RPS6KC1: variants seen among roughly 807,000 people sequenced by gnomAD.
RPS6KC1 encodes ribosomal protein S6 kinase C1, also known as inactive ribosomal protein S6 kinase delta-1.
Under a neutral mutation model 103.8 loss-of-function variants are expected in RPS6KC1, and 54 were observed. The ratio of observed to expected loss-of-function variants is 0.52; its 90% CI spans 0.42 to 0.65. The LOEUF (loss-of-function observed/expected upper bound fraction) is 0.65. Ranked by LOEUF, RPS6KC1 falls within the 30% of genes least tolerant of loss-of-function variation. RPS6KC1 has a pLI of 0.00. For missense variants in RPS6KC1, 1,151 were observed against 1,253.8 expected (o/e 0.92, Z 1.24); for synonymous variants, 439 against 438.7 (o/e 1.00, Z -0.01).
chr1:213,625,991 T>G, the RPS6KC1 span, among the ~76,000 whole-genome samples: 1 of 152,224 alleles, frequency 6.6e-6, no homozygotes, highest in Non-Finnish European at 1.5e-5. Flanking sequence ...TCTAGATCCC[T>G]AAGGAATCGC....
At chr1:213,786,747 A>G in the RPS6KC1 span, among the ~76,000 whole-genome samples, 10 of 152,320 alleles carry the variant, frequency 6.6e-5, no homozygotes, top group East Asian at 1.9e-3. Flanking sequence ...ATTTTAGGAA[A>G]GAATATTCTT....
At chr1:213,456,923 T>C in the RPS6KC1 span, among the ~76,000 whole-genome samples, 1 of 152,200 alleles carries the variant, frequency 6.6e-6, no homozygotes, top group Non-Finnish European at 1.5e-5. Flanking sequence ...CCAAGGAAGC[T>C]TGTCAATATT....
At chr1:213,094,211 T>C (rs1288167822) in intron 3 of RPS6KC1, among the ~76,000 whole-genome samples, 1 of 152,178 alleles carries the variant, frequency 6.6e-6, no homozygotes, top group Non-Finnish European at 1.5e-5. Flanking sequence ...TTCTCATTTT[T>C]TCCTGAACCA....
the RPS6KC1 span, among the ~76,000 whole-genome samples, chr1:213,753,140 C>T: frequency 0.014 from 2,165 of 152,234 alleles, 49 homozygotes; most frequent in African/African-American, 0.048. Context: ...CTTCCCCCTC[C>T]GACGCATCCA....
chr1:213,712,528 C>T, the RPS6KC1 span, among the ~76,000 whole-genome samples: 1 of 152,196 alleles, frequency 6.6e-6, no homozygotes, highest in Admixed American at 6.5e-5. Flanking sequence ...GTCAACGGTT[C>T]TGTCTTGCTT....
chr1:213,347,218 A>G, the RPS6KC1 span, among the ~76,000 whole-genome samples: 1 of 152,218 alleles, frequency 6.6e-6, no homozygotes, highest in African/African-American at 2.4e-5. Flanking sequence ...GGTGGTGAAA[A>G]TGAAATTAAC....
chr1:213,275,641 A>G (rs1192127250), downstream of RPS6KC1, among the ~76,000 whole-genome samples: 8 of 152,162 alleles, frequency 5.3e-5, no homozygotes, highest in Non-Finnish European at 1.2e-4. Context: ...CGATATTTCT[A>G]TACATGTATA....
the RPS6KC1 span, among the ~76,000 whole-genome samples, chr1:213,455,706 A>G: frequency 1.3e-5 from 2 of 152,242 alleles, no homozygotes; most frequent in Admixed American, 1.3e-4. Flanking sequence ...ACCAGTTTTA[A>G]AGGAGGAAGC....
chr1:213,573,482 T>C, the RPS6KC1 span, among the ~76,000 whole-genome samples: 1 of 152,232 alleles, frequency 6.6e-6, no homozygotes, highest in Non-Finnish European at 1.5e-5. Context: ...TGTGTATTCA[T>C]GTTATAAGTC....
At chr1:213,686,594 G>A in the RPS6KC1 span, among the ~76,000 whole-genome samples, 2 of 152,150 alleles carry the variant, frequency 1.3e-5, no homozygotes, top group Admixed American at 1.3e-4. Context: ...CCCCATAAAT[G>A]AGCATATAAC....
At chr1:213,215,277 A>T (rs1225394296) in intron 8 of RPS6KC1, among the ~76,000 whole-genome samples, 2 of 152,246 alleles carry the variant, frequency 1.3e-5, no homozygotes, top group Non-Finnish European at 2.9e-5. Context: ...AAAGGGTATC[A>T]GTGATGGAAG....
the RPS6KC1 span, among the ~76,000 whole-genome samples, chr1:213,594,408 T>A: frequency 6.6e-6 from 1 of 152,210 alleles, no homozygotes; most frequent in African/African-American, 2.4e-5. Context: ...AGATACATTA[T>A]TAAATAAGTT....
intron 12 of RPS6KC1, among the ~76,000 whole-genome samples, chr1:213,249,671 A>G (rs1253817243): frequency 2.0e-5 from 3 of 152,194 alleles, no homozygotes; most frequent in African/African-American, 7.2e-5. Flanking sequence ...TTGTGATATG[A>G]TCAATGGAAA....
chr1:213,317,607 G>A, the RPS6KC1 span, among the ~76,000 whole-genome samples: 1 of 152,210 alleles, frequency 6.6e-6, no homozygotes, highest in Non-Finnish European at 1.5e-5. Flanking sequence ...TGAATTTGGG[G>A]AGGGGGACAA....
the RPS6KC1 span, chr1:213,842,367 C>T: frequency 2.0e-5 from 3 of 152,120 alleles, no homozygotes; most frequent in Non-Finnish European, 2.9e-5. Flanking sequence ...TACCTAAGGG[C>T]CTGTCTCCCC....
the RPS6KC1 span, among the ~76,000 whole-genome samples, chr1:213,448,397 C>G: frequency 1.3e-5 from 2 of 151,986 alleles, no homozygotes; most frequent in Non-Finnish European, 2.9e-5. Context: ...TTTTTCGAAA[C>G]CCCCGGATGA....
chr1:213,756,830 G>A, the RPS6KC1 span, among the ~76,000 whole-genome samples: 4 of 151,882 alleles, frequency 2.6e-5, no homozygotes, highest in African/African-American at 4.8e-5. Flanking sequence ...GGCTGGTCTC[G>A]AACTCCTGAC....
chr1:213,344,784 C>T, the RPS6KC1 span, among the ~76,000 whole-genome samples: 1 of 152,232 alleles, frequency 6.6e-6, no homozygotes, highest in Admixed American at 6.5e-5. Flanking sequence ...ATCCACCCGC[C>T]TCAGCCTCCC....
At chr1:213,665,291 G>A in the RPS6KC1 span, among the ~76,000 whole-genome samples, 4 of 151,756 alleles carry the variant, frequency 2.6e-5, no homozygotes, top group Non-Finnish European at 4.4e-5. Context: ...TAGACAAAGA[G>A]GTTAAGATCC....
Sources: allele counts gnomAD v4.1 joint callset (sites outside exome capture counted in the v4.1 genomes callset), GRCh38; gene constraint gnomAD v4.1.1; transcripts MANE v1.5; gene names NCBI Gene and HGNC (gene_info 2026-07-23, HGNC 2026-07-21).